Variants in CCDC30 observed in about 807,000 individuals in gnomAD.
The protein encoded by CCDC30 is coiled-coil domain containing 30.
A neutral mutation model predicts 100.2 loss-of-function variants in CCDC30; 70 were observed. The ratio of observed to expected loss-of-function variants is 0.70; its 90% CI spans 0.58 to 0.85. The LOEUF (loss-of-function observed/expected upper bound fraction) is 0.85, where lower values mean the gene tolerates loss of function less well. Among genes scored for constraint, CCDC30 ranks in the 40% least tolerant of loss-of-function variants. The pLI, the probability that CCDC30 is intolerant of heterozygous loss-of-function variation, is 0.00. For synonymous variants in CCDC30, 233 were observed against 269.5 expected (o/e 0.86, Z 1.33); for missense variants, 652 against 771.2 (o/e 0.85, Z 1.83).
chr1:42,577,673 C>T (rs1216120029), intron 8 of CCDC30, among the ~76,000 whole-genome samples: 2 of 151,996 alleles, frequency 1.3e-5, no homozygotes, highest in East Asian at 3.9e-4. Context: ...GGGAGTCTCG[C>T]TCTGTCACCC....
chr1:42,456,566 A>C, the CCDC30 span: 51 of 1,473,898 alleles, frequency 3.5e-5, no homozygotes, highest in Non-Finnish European at 4.4e-5. Flanking sequence ...TGCGCTGCAG[A>C]TGGCGGAAAT....
At chr1:42,498,445 C>T (rs2148475919) in intron 5 of CCDC30, among the ~76,000 whole-genome samples, 1 of 152,074 alleles carries the variant, frequency 6.6e-6, no homozygotes, top group Middle Eastern at 3.4e-3. Flanking sequence ...TTAAAAATGG[C>T]TAACATGGTA....
chr1:42,587,789 C>T (rs1322418375), intron 9 of CCDC30, among the ~76,000 whole-genome samples: 1 of 152,162 alleles, frequency 6.6e-6, no homozygotes. Flanking sequence ...AGATGAATCT[C>T]CTAAGTCCAG....
At chr1:42,481,576 CAAA>C (rs11312516) in intron 2 of CCDC30, among the ~76,000 whole-genome samples, 43,177 of 110,574 alleles carry the variant, frequency 0.39, 7,211 homozygotes, top group East Asian at 0.59. Context: ...AACCCTGTCT[CAAA>C]AAAAAAAAAA....
intron 6 of CCDC30, among the ~76,000 whole-genome samples, chr1:42,515,668 C>T (rs936338231): frequency 1.3e-5 from 2 of 152,140 alleles, no homozygotes; most frequent in African/African-American, 4.8e-5. Flanking sequence ...TGTAAATTAC[C>T]TAGTCTATGG....
chr1:42,512,699 G>A (rs1411860305), intron 6 of CCDC30, among the ~76,000 whole-genome samples: 1 of 152,194 alleles, frequency 6.6e-6, no homozygotes, highest in Admixed American at 6.5e-5. Context: ...GCTGGGATTA[G>A]TCCAGAAGCC....
exon 17 of CCDC30, chr1:42,653,867 G>A: frequency 2.5e-6 from 4 of 1,614,138 alleles, no homozygotes; most frequent in Non-Finnish European, 3.4e-6. Context: ...TCAAGAGACT[G>A]AAGAGATCAA....
At chr1:42,473,372 A>G in intron 1 of CCDC30, 1 of 920,798 alleles carries the variant, frequency 1.1e-6, no homozygotes, top group Non-Finnish European at 1.4e-6. Context: ...TTAAATTGAC[A>G]TATTAAAAAC....
chr1:42,486,386 A>G (rs2148461085), intron 3 of CCDC30, among the ~76,000 whole-genome samples: 1 of 152,326 alleles, frequency 6.6e-6, no homozygotes, highest in East Asian at 1.9e-4. Flanking sequence ...GAGGGTTTCC[A>G]CCATTCCTTA....
intron 11 of CCDC30, 65 bp downstream of exon 15, chr1:42,611,155 C>T: frequency 1.1e-6 from 1 of 939,046 alleles, no homozygotes; most frequent in South Asian, 1.4e-5. Flanking sequence ...GCTGAGCAGG[C>T]TCTAGGGCTA....
intron 4 of CCDC30, among the ~76,000 whole-genome samples, chr1:42,490,751 A>C (rs960908741): frequency 5.3e-5 from 8 of 152,144 alleles, no homozygotes; most frequent in Admixed American, 5.2e-4. Flanking sequence ...AAACTGAGTC[A>C]TGGCAGAGTT....
At chr1:42,608,104 A>G (rs1039781023) in intron 10 of CCDC30, among the ~76,000 whole-genome samples, 3 of 151,790 alleles carry the variant, frequency 2.0e-5, no homozygotes, top group African/African-American at 7.3e-5. Context: ...CAGCCTCTAG[A>G]CCAGGGGTCA....
intron 3 of CCDC30, among the ~76,000 whole-genome samples, chr1:42,488,542 C>G (rs537285478): frequency 3.1e-4 from 47 of 152,182 alleles, no homozygotes; most frequent in African/African-American, 1.1e-3. Context: ...AACTCCTGGC[C>G]TCAAGCAATC....
chr1:42,577,196 G>A (rs1645857743), exon 8 of CCDC30: 3 of 1,614,034 alleles, frequency 1.9e-6, no homozygotes, highest in Non-Finnish European at 2.5e-6. Context: ...AGCTGGTTCA[G>A]GAGAAATCTA....
At chr1:42,651,021 T>C (rs1454184361) in intron 15 of CCDC30, among the ~76,000 whole-genome samples, 1 of 152,150 alleles carries the variant, frequency 6.6e-6, no homozygotes, top group African/African-American at 2.4e-5. Context: ...TGGATATCTA[T>C]GTGCAGAAGA....
chr1:42,461,261 A>G (rs1643403077), upstream of CCDC30, among the ~76,000 whole-genome samples: 1 of 152,228 alleles, frequency 6.6e-6, no homozygotes, highest in Non-Finnish European at 1.5e-5. Context: ...TACTTCATTA[A>G]TCAGGAAATG....
At chr1:42,524,567 G>A (rs1382619270) in intron 6 of CCDC30, among the ~76,000 whole-genome samples, 2 of 152,132 alleles carry the variant, frequency 1.3e-5, no homozygotes, top group East Asian at 1.9e-4. Flanking sequence ...GTACCTACAT[G>A]AGCGAAAGCA....
At chr1:42,506,180 A>G (rs1260855095) in intron 6 of CCDC30, among the ~76,000 whole-genome samples, 1 of 152,250 alleles carries the variant, frequency 6.6e-6, no homozygotes, top group African/African-American at 2.4e-5. Context: ...AATAAGGATG[A>G]GCAATGTTTC....
chr1:42,468,575 A>G (rs1342238779), intron 1 of CCDC30: 1 of 152,260 alleles, frequency 6.6e-6, no homozygotes, highest in East Asian at 1.9e-4. Flanking sequence ...AATAGTAAAT[A>G]TTAAAGGACA....
Sources: allele counts gnomAD v4.1 joint callset (sites outside exome capture counted in the v4.1 genomes callset), GRCh38; gene constraint gnomAD v4.1.1; transcripts MANE v1.5; gene names NCBI Gene and HGNC (gene_info 2026-07-23, HGNC 2026-07-21).